NDC1: variants seen among roughly 807,000 people sequenced by gnomAD.
NDC1 encodes NDC1 transmembrane nucleoporin.
A neutral mutation model predicts 89.8 loss-of-function variants in NDC1; 24 were observed. The ratio of observed to expected loss-of-function variants is 0.27; its 90% CI spans 0.19 to 0.38. NDC1 has a LOEUF of 0.38. Among genes scored for constraint, NDC1 ranks in the 10% least tolerant of loss-of-function variants. The probability of loss-of-function intolerance (pLI) is 1.00; values close to 1 mark genes in which losing one functional copy is unlikely to be tolerated. For missense variants in NDC1, 728 were observed against 797.6 expected, an observed-to-expected ratio of 0.91 and a Z score of 1.05; for synonymous variants, 296 against 284.8, an observed-to-expected ratio of 1.04 and a Z score of -0.39.
chr1:53,797,376 T>TTC (rs1553148376), intron 11 of NDC1, among the ~76,000 whole-genome samples: 19 of 151,100 alleles, frequency 1.3e-4, no homozygotes, highest in Admixed American at 4.6e-4. Context: ...TCTCTCTTTT[T>TTC]CCCCCCCCAT....
At chr1:53,814,942 A>G (rs1430258170) in intron 6 of NDC1, among the ~76,000 whole-genome samples, 2 of 152,222 alleles carry the variant, frequency 1.3e-5, no homozygotes, top group Admixed American at 6.5e-5. Flanking sequence ...AATAACAAGC[A>G]GTGAGATTGA....
chr1:53,805,749 G>T (rs1057316582), intron 9 of NDC1, among the ~76,000 whole-genome samples: 3 of 152,130 alleles, frequency 2.0e-5, no homozygotes, highest in African/African-American at 7.2e-5. Context: ...AATACTACAA[G>T]AGTAAAAATG....
rs372529905 is a variant in NDC1 at position 53,797,128 on chromosome 1, C to G, written c.1239G>C (p.Gln413His). ...GAGGCATCTGGCTAGATTTTGGTGT[C>G]TGAAAAGCAGTTTCTTCTGTAAAAC... ...KLNSPEETAFQTPKSSQMPRP... is the reference protein window; with the variant it reads ...KLNSPEETAFHTPKSSQMPRP... Residue 413 changes from glutamine (Q) to histidine (H), a missense_variant, in exon 12 of 18, where the codon CAG (glutamine) becomes CAC (histidine). Gln to His is a conservative substitution (Grantham distance 24). Transcript: ENST00000371429. 4 of 1,613,856 alleles carry G rather than the reference C, an allele frequency of 2.5e-6. No individual in the cohort carries two copies. The African/African-American group carries it at 4.0e-5, about 16-fold the overall frequency.
chr1:53,787,758 C>T (rs1647351882), intron 15 of NDC1, among the ~76,000 whole-genome samples: 1 of 150,570 alleles, frequency 6.6e-6, no homozygotes, highest in African/African-American at 2.4e-5. Context: ...GAAAAAAGTA[C>T]TCAATTGCAT....
At chr1:53,799,316 C>A (rs1325030177) in intron 11 of NDC1, among the ~76,000 whole-genome samples, 1 of 152,152 alleles carries the variant, frequency 6.6e-6, no homozygotes, top group Non-Finnish European at 1.5e-5. Context: ...TGGCTTCTAG[C>A]ACATTGTTTG....
chr1:53,807,498 G>C (rs1648151075), intron 8 of NDC1, among the ~76,000 whole-genome samples, 158 bp downstream of exon 8: 1 of 152,014 alleles, frequency 6.6e-6, no homozygotes, highest in Non-Finnish European at 1.5e-5. Flanking sequence ...CACATAAATG[G>C]TGGTTACAAA....
chr1:53,821,373 G>T (rs1648663968), intron 5 of NDC1, among the ~76,000 whole-genome samples: 1 of 152,108 alleles, frequency 6.6e-6, no homozygotes, highest in Non-Finnish European at 1.5e-5. Flanking sequence ...GAACCTGAGA[G>T]TTCAAGTTGC....
At position 53,800,162 on chromosome 1, in the gene NDC1, T is replaced by G. The variant is rs1302287356; in HGVS notation, c.1222+531A>C. 1.3e-5 allele frequency among the ~76,000 whole-genome samples: 2 copies of G among 152,128 alleles called. 1 individual carries two copies. Among genetic ancestry groups the G allele is most frequent in the East Asian group, 3.8e-4 (2 of 5,204 alleles). On this transcript the variant is annotated intron_variant, in intron 11 of 17. Transcript: ENST00000371429. The stretch of plus-strand genomic sequence containing the variant: ...TGTTTCAAATTAACCAATGAAAAAC[T>G]GCATATACTTAGAGTGTACAACGTG...
intron 12 of NDC1, 23 bp from the exon 13 acceptor site, chr1:53,796,827 A>G: frequency 6.2e-7 from 1 of 1,603,446 alleles, no homozygotes; most frequent in Non-Finnish European, 8.5e-7. Context: ...AAGAAAAGGC[A>G]AGATAAGAAC....
At chr1:53,787,478 C>T (rs902684871) in intron 15 of NDC1, among the ~76,000 whole-genome samples, 20 of 151,014 alleles carry the variant, frequency 1.3e-4, no homozygotes, top group Non-Finnish European at 2.4e-4. Flanking sequence ...GTGAAACCCC[C>T]TCTCTACAAA....
intron 16 of NDC1, among the ~76,000 whole-genome samples, chr1:53,774,083 T>C (rs541975188): frequency 2.0e-5 from 3 of 152,346 alleles, no homozygotes; most frequent in East Asian, 3.9e-4. Context: ...TTTGAAAGTT[T>C]TGTTGCTATT....
chr1:53,838,138 G>A (rs1649301070), intron 1 of NDC1, 67 bp downstream of exon 1: 8 of 1,451,852 alleles, frequency 5.5e-6, no homozygotes, highest in Admixed American at 2.0e-5. Context: ...CAGCGCGCAC[G>A]CGCGATCAGA....
chr1:53,806,309 A>G (rs1648106810), intron 9 of NDC1, 116 bp downstream of exon 9: 1 of 592,872 alleles, frequency 1.7e-6, no homozygotes, highest in East Asian at 3.5e-5. Context: ...TTATCATACC[A>G]GTACAAGAAT....
chr1:53,818,736 A>C lies in NDC1; in HGVS notation c.703+235T>G, dbSNP rs1432392781. Reference sequence around the variant, plus strand: ...AGGTTTATTCAAGCTGTAGTACATAACAAGATTTCCTTCTTTTTAAAGGCT... The same window carrying C: ...AGGTTTATTCAAGCTGTAGTACATACCAAGATTTCCTTCTTTTTAAAGGCT... On this transcript the variant is annotated intron_variant, in intron 6 of 17. Coordinates refer to ENST00000371429, the MANE Select transcript of NDC1 (RefSeq NM_018087.5). 3.3e-5 allele frequency among the ~76,000 whole-genome samples: 5 copies of C among 152,258 alleles called. No individual in the cohort carries two copies. The South Asian group carries it at 1.0e-3, about 31-fold the overall frequency.
intron 15 of NDC1, among the ~76,000 whole-genome samples, chr1:53,787,576 T>C (rs1273410214): frequency 6.6e-6 from 1 of 150,898 alleles, no homozygotes; most frequent in African/African-American, 2.4e-5. Context: ...GAGGCAGAGG[T>C]TGAAGTTAGC....
At chr1:53,778,306 T>C (rs1262099539) in intron 16 of NDC1, among the ~76,000 whole-genome samples, 1 of 151,714 alleles carries the variant, frequency 6.6e-6, no homozygotes, top group Admixed American at 6.6e-5. Context: ...CTGTCACATT[T>C]TTAAAATTAA....
At position 53,801,528 on chromosome 1, in the gene NDC1, A is replaced by G. The variant is rs75393557; in HGVS notation, c.1067-680T>C. Among the ~76,000 whole-genome samples, 1,015 of 152,288 alleles carry G rather than the reference A, an allele frequency of 6.7e-3. 5 individuals carry two copies. Among genetic ancestry groups the G allele is most frequent in the African/African-American group, 0.022 (913 of 41,556 alleles). On this transcript the variant is annotated intron_variant, in intron 10 of 17. Transcript: ENST00000371429. ...ATTATATAAAAATCAAGCATGCTCC[A>G]TTATGCGTTAATAGCAGAGAAGTCT...
At chr1:53,790,664 G>A (rs1406483134) in intron 14 of NDC1, among the ~76,000 whole-genome samples, 2 of 152,028 alleles carry the variant, frequency 1.3e-5, no homozygotes, top group Non-Finnish European at 2.9e-5. Context: ...TCGAGATCAT[G>A]CCACTGCACT....
At chr1:53,796,562 G>C (rs1055225403) in intron 13 of NDC1, 127 bp downstream of exon 13, 9 of 557,552 alleles carry the variant, frequency 1.6e-5, no homozygotes, top group Non-Finnish European at 2.4e-5. Context: ...TGTTTCATTT[G>C]AGTCAATACA....
Sources: allele counts gnomAD v4.1 joint callset (sites outside exome capture counted in the v4.1 genomes callset), GRCh38; gene constraint gnomAD v4.1.1; transcripts MANE v1.5; gene names NCBI Gene and HGNC (gene_info 2026-07-23, HGNC 2026-07-21).